SLC1A2: variants seen among roughly 807,000 people sequenced by gnomAD.
SLC1A2 encodes solute carrier family 1 member 2, also known as excitatory amino acid transporter 2.
Under a neutral mutation model 48.8 loss-of-function variants are expected in SLC1A2, and 15 were observed. The observed-to-expected ratio is 0.31, with a 90% confidence interval of 0.21 to 0.47. The LOEUF is 0.47. Ranked by LOEUF, SLC1A2 falls within the 20% of genes least tolerant of loss-of-function variation. The probability of loss-of-function intolerance (pLI) is 0.99; values close to 1 mark genes in which losing one functional copy is unlikely to be tolerated. For synonymous variants in SLC1A2, 279 were observed against 272.6 expected, an observed-to-expected ratio of 1.02 and a Z score of -0.23; for missense variants, 502 against 730.5, an observed-to-expected ratio of 0.69 and a Z score of 3.61.
chr11:35,417,685 G>A (rs755348326), intron 1 of SLC1A2, among the ~76,000 whole-genome samples: 6 of 152,194 alleles, frequency 3.9e-5, no homozygotes, highest in Non-Finnish European at 8.8e-5. Flanking sequence ...CAAAGGGAGA[G>A]ACAAAATTTC....
In SLC1A2 at chr11:35,338,112, A is replaced by G. The variant is rs186270060; in HGVS notation, c.18-20596T>C. ...TTGGCAAACTACAGCCATGGGCCAA[A>G]TCCAGTCAACAGCCCATTTTTATAA... On this transcript the variant is annotated intron_variant, in intron 1 of 10. Transcript: ENST00000278379. 1.7e-3 allele frequency among the ~76,000 whole-genome samples: 258 copies of G among 152,326 alleles called. 1 individual carries two copies. Among genetic ancestry groups the G allele is most frequent in the Admixed American group, 3.4e-3 (52 of 15,304 alleles).
At chr11:35,352,839 AAAG>A (rs1853312243) in intron 1 of SLC1A2, among the ~76,000 whole-genome samples, 2 of 152,198 alleles carry the variant, frequency 1.3e-5, no homozygotes, top group Non-Finnish European at 2.9e-5. Flanking sequence ...GCTGGGGAGA[AAAG>A]AGGGGAGGTT....
At chr11:35,289,722 C>G (rs929927992) in intron 7 of SLC1A2, among the ~76,000 whole-genome samples, 1 of 152,086 alleles carries the variant, frequency 6.6e-6, no homozygotes, top group African/African-American at 2.4e-5. Flanking sequence ...AGAAGCTATT[C>G]CTAAGCAAAA....
At chr11:35,310,604 C>A (rs1277844549) in intron 4 of SLC1A2, among the ~76,000 whole-genome samples, 3 of 152,190 alleles carry the variant, frequency 2.0e-5, no homozygotes, top group Admixed American at 2.0e-4. Flanking sequence ...GGAATACATA[C>A]TTTTCTTCTA....
chr11:35,395,732 T>C (rs1854933162), intron 1 of SLC1A2, among the ~76,000 whole-genome samples: 1 of 149,958 alleles, frequency 6.7e-6, no homozygotes, highest in African/African-American at 2.5e-5. Flanking sequence ...TTGTGCAGGT[T>C]AGTTACATAT....
At chr11:35,337,295 C>G (rs1284198478) in intron 1 of SLC1A2, among the ~76,000 whole-genome samples, 1 of 152,218 alleles carries the variant, frequency 6.6e-6, no homozygotes. Context: ...AAATGGCTGC[C>G]AGCATGCTAA....
At position 35,252,822 on chromosome 11, in the gene SLC1A2, A is replaced by G. The variant is rs569728868; in HGVS notation, c.*8072T>C. 25 of 152,790 alleles carry G rather than the reference A, an allele frequency of 1.6e-4. No individual in the cohort carries two copies. The highest frequency in any genetic ancestry group is 6.0e-4 in the African/African-American group (25 of 41,594). The allele number at this position is 152,790 out of a possible 1,614,324, so 9.5% of individuals were successfully genotyped here. ...AATTACACCTAGATACCTACATTAT[A>G]GCTACACAAAGTGCATAGGCACTGT... On this transcript the variant is annotated 3_prime_UTR_variant, in exon 11 of 11. Coordinates refer to ENST00000278379, the MANE Select transcript of SLC1A2 (RefSeq NM_004171.4).
intron 1 of SLC1A2, among the ~76,000 whole-genome samples, chr11:35,367,882 C>A (rs1193480361): frequency 6.6e-6 from 1 of 152,214 alleles, no homozygotes; most frequent in Admixed American, 6.5e-5. Context: ...AATCCAGTAT[C>A]ACCTGCCATA....
At chr11:35,419,812 C>A, upstream of SLC1A2, 3 of 347,204 alleles carry the variant, frequency 8.6e-6, no homozygotes, top group South Asian at 4.3e-5. The surrounding 1 kb of genome is among the most constrained non-coding windows in gnomAD (Gnocchi z 5.4). Flanking sequence ...GGCGACCGCG[C>A]GGAGACCCGG....
intron 9 of SLC1A2, among the ~76,000 whole-genome samples, chr11:35,279,490 C>CACTT (rs1413151228): frequency 1.3e-5 from 2 of 152,192 alleles, no homozygotes; most frequent in Non-Finnish European, 2.9e-5. Context: ...AGTACCAGAC[C>CACTT]ACTTGTACAT....
chr11:35,311,897 G>GGAGAGAGAGA lies in SLC1A2; in HGVS notation c.561+291_561+300dup, dbSNP rs1213084635. ...GAGAGAGAGAGAGAGAGAGAGGGAG[G>GGAGAGAGAGA]GAGAGAGAGAGAGAGAGAGAGAGAG... On this transcript the variant is annotated intron_variant, in intron 4 of 10. Transcript: ENST00000278379. Among the ~76,000 whole-genome samples, 5 of 25,722 alleles carry GGAGAGAGAGA rather than the reference G, an allele frequency of 1.9e-4. 1 individual carries two copies. The highest frequency in any genetic ancestry group is 2.8e-4 in the African/African-American group (2 of 7,068). The allele number at this position is 25,722 out of a possible 152,430, so 16.9% of individuals were successfully genotyped here. A position where few individuals can be genotyped will look rare whatever the true frequency, so the allele number is the denominator to read the frequency against.
intron 8 of SLC1A2, among the ~76,000 whole-genome samples, chr11:35,283,512 C>A (rs926602722): frequency 2.0e-5 from 3 of 152,062 alleles, no homozygotes; most frequent in Admixed American, 2.0e-4. Context: ...TGAAAATGCT[C>A]AGTAGTATCA....
At chr11:35,273,644 T>C (rs1850350607) in intron 9 of SLC1A2, among the ~76,000 whole-genome samples, 1 of 152,198 alleles carries the variant, frequency 6.6e-6, no homozygotes, top group South Asian at 2.1e-4. Flanking sequence ...CTACACCTTA[T>C]CCATTTCTTT....
In SLC1A2 at chr11:35,322,477, G is replaced by T. The variant is rs144868094; in HGVS notation, c.18-4961C>A. ...CCACCTTCACTGATTTGATGAGGTG[G>T]CAACAGAACACTCCCCAGGGAGCCT... On this transcript the variant is annotated intron_variant, in intron 1 of 10. Transcript: ENST00000278379. 74 of 762,878 alleles carry T rather than the reference G, an allele frequency of 9.7e-5. No individual in the cohort carries two copies. In the African/African-American group the frequency reaches 1.2e-3, roughly 13 times the overall value. The allele number at this position is 762,878 out of a possible 1,614,324, so 47.3% of individuals were successfully genotyped here. A position where few individuals can be genotyped will look rare whatever the true frequency, so the allele number is the denominator to read the frequency against.
intron 1 of SLC1A2, among the ~76,000 whole-genome samples, chr11:35,346,509 C>T (rs1263656972): frequency 6.6e-6 from 1 of 152,228 alleles, no homozygotes; most frequent in Non-Finnish European, 1.5e-5. Context: ...TGGGACTCAG[C>T]TCTGGACCAC....
intron 5 of SLC1A2, 137 bp downstream of exon 5, chr11:35,305,937 G>T: frequency 1.5e-6 from 1 of 668,530 alleles, no homozygotes; most frequent in Non-Finnish European, 2.5e-6. Flanking sequence ...CAGTCCCAGT[G>T]ACCCTCAAAT....
At chr11:35,397,670 A>T (rs1291997931) in intron 1 of SLC1A2, among the ~76,000 whole-genome samples, 2 of 152,108 alleles carry the variant, frequency 1.3e-5, no homozygotes, top group Non-Finnish European at 2.9e-5. Flanking sequence ...TTGGGAGGTG[A>T]TTAGGTCAGG....
intron 6 of SLC1A2, among the ~76,000 whole-genome samples, chr11:35,297,120 G>A (rs1851199249): frequency 6.6e-6 from 1 of 152,058 alleles, no homozygotes; most frequent in Admixed American, 6.6e-5. Context: ...CCTCTTCTGG[G>A]CTCTTTGCTA....
chr11:35,316,219 C>A (rs1290692639), intron 2 of SLC1A2: 1 of 152,188 alleles, frequency 6.6e-6, no homozygotes, highest in East Asian at 1.9e-4. Context: ...AATTTTATAT[C>A]TCTGCAAATG....
Sources: gnomAD v4.1 joint callset for allele counts (sites outside exome capture counted in the v4.1 genomes callset) on GRCh38, gnomAD v4.1.1 for gene constraint, Gnocchi (gnomAD v3.1) non-coding constraint, MANE v1.5 for transcripts, NCBI Gene and HGNC (gene_info 2026-07-23, HGNC 2026-07-21) for gene names.